The following ERC2 variants were observed in gnomAD, a reference collection of about 807,000 sequenced individuals.
ERC2 encodes the protein ELKS/RAB6-interacting/CAST family member 2.
A neutral mutation model predicts 114.8 loss-of-function variants in ERC2; 42 were observed. The ratio of observed to expected loss-of-function variants is 0.37; its 90% confidence interval spans 0.29 to 0.47. The LOEUF is 0.47. Ranked by LOEUF, ERC2 falls within the 20% of genes least tolerant of loss-of-function variation. The pLI, the probability that ERC2 is intolerant of heterozygous loss-of-function variation, is 0.99. For synonymous variants in ERC2, 454 were observed against 425.5 expected (o/e 1.07, Z -0.82); for missense variants, 939 against 1,150.7 (o/e 0.82, Z 2.66).
intron 14 of ERC2, among the ~76,000 whole-genome samples, chr3:55,780,507 A>G (rs1339104993): frequency 1.3e-5 from 2 of 152,218 alleles, no homozygotes; most frequent in Non-Finnish European, 2.9e-5. Flanking sequence ...ATGAGTTCCA[A>G]TTTTATAAAT....
intron 2 of ERC2, among the ~76,000 whole-genome samples, chr3:56,411,052 A>G (rs868639853): frequency 8.4e-6 from 1 of 118,590 alleles, no homozygotes; most frequent in Non-Finnish European, 1.6e-5. Flanking sequence ...ATTATCTCAG[A>G]AAAAAAAAAA....
chr3:56,300,573 C>T (rs952500883), intron 2 of ERC2, among the ~76,000 whole-genome samples: 5 of 152,150 alleles, frequency 3.3e-5, no homozygotes, highest in Non-Finnish European at 5.9e-5. Context: ...TAAGGACAGA[C>T]CAGATCTATT....
intron 7 of ERC2, among the ~76,000 whole-genome samples, chr3:56,066,620 T>A (rs2076494559): frequency 1.3e-5 from 2 of 152,232 alleles, no homozygotes; most frequent in South Asian, 4.1e-4. Flanking sequence ...CATCATAAAA[T>A]CTTTGTCCAT....
intron 3 of ERC2, among the ~76,000 whole-genome samples, chr3:56,218,954 A>G (rs528721360): frequency 4.6e-5 from 7 of 152,120 alleles, no homozygotes; most frequent in Non-Finnish European, 7.4e-5. Flanking sequence ...ACACATGGAC[A>G]CAGGAAGGGG....
chr3:56,123,568 T>C (rs1231390692), intron 6 of ERC2, among the ~76,000 whole-genome samples: 3 of 152,028 alleles, frequency 2.0e-5, no homozygotes, highest in Non-Finnish European at 2.9e-5. Flanking sequence ...CATTCTCTTG[T>C]CTCCATTTCT....
At chr3:55,970,162 A>C (rs545067229) in intron 12 of ERC2, among the ~76,000 whole-genome samples, 1 of 152,294 alleles carries the variant, frequency 6.6e-6, no homozygotes, top group East Asian at 1.9e-4. Context: ...TCAAAAAAGC[A>C]GTGCCAATAT....
At chr3:56,074,304 AT>A (rs536695522) in intron 7 of ERC2, among the ~76,000 whole-genome samples, 133 of 152,336 alleles carry the variant, frequency 8.7e-4, no homozygotes, top group Admixed American at 2.9e-3. Context: ...CCTATAAGCC[AT>A]TAGGTCTGTT....
intron 3 of ERC2, among the ~76,000 whole-genome samples, chr3:56,249,155 C>G (rs542044322): frequency 2.7e-4 from 41 of 152,280 alleles, no homozygotes; most frequent in African/African-American, 8.7e-4. Context: ...GAATTTCTTG[C>G]TACATTGTGG....
chr3:55,977,929 G>GA (rs1053078266), intron 12 of ERC2, among the ~76,000 whole-genome samples: 1 of 151,662 alleles, frequency 6.6e-6, no homozygotes, highest in Non-Finnish European at 1.5e-5. Context: ...AGTTTGCCAA[G>GA]AAAAAAAAGC....
intron 2 of ERC2, among the ~76,000 whole-genome samples, chr3:56,393,028 CCCTT>C (rs1174778253): frequency 1.3e-5 from 2 of 152,216 alleles, no homozygotes; most frequent in Non-Finnish European, 2.9e-5. Context: ...ATCTGCTATT[CCCTT>C]AGCCTAGAAT....
chr3:56,008,045 A>G (rs2072636204), intron 9 of ERC2, among the ~76,000 whole-genome samples: 1 of 152,176 alleles, frequency 6.6e-6, no homozygotes, highest in Admixed American at 6.5e-5. Flanking sequence ...ATCACTGAAC[A>G]TAACTTTGCA....
chr3:56,189,564 G>A (rs1271815460), intron 3 of ERC2, among the ~76,000 whole-genome samples: 1 of 152,198 alleles, frequency 6.6e-6, no homozygotes, highest in African/African-American at 2.4e-5. Flanking sequence ...CAGAAATGGT[G>A]TGTCCATACA....
chr3:56,459,503 G>A (rs2063214554), intron 1 of ERC2, among the ~76,000 whole-genome samples: 2 of 148,320 alleles, frequency 1.3e-5, no homozygotes, highest in Admixed American at 1.4e-4. Context: ...ATTAAGACAG[G>A]AAAAGAGAGC....
chr3:55,818,389 C>A (rs2059985728), intron 14 of ERC2, among the ~76,000 whole-genome samples: 1 of 152,154 alleles, frequency 6.6e-6, no homozygotes. Flanking sequence ...AACTTTTATA[C>A]CTCGATGAAT....
chr3:56,040,947 C>G (rs904267810), intron 7 of ERC2, among the ~76,000 whole-genome samples: 1 of 151,624 alleles, frequency 6.6e-6, no homozygotes, highest in Non-Finnish European at 1.5e-5. Flanking sequence ...TCCACTCTAC[C>G]GTTGAGTCCT....
intron 6 of ERC2, 146 bp from the exon 7 acceptor site, chr3:56,081,130 G>A: frequency 1.3e-6 from 1 of 754,178 alleles, no homozygotes; most frequent in Non-Finnish European, 2.1e-6. Flanking sequence ...TCACTGCCCT[G>A]CATTTTAACA....
intron 17 of ERC2, among the ~76,000 whole-genome samples, chr3:55,673,616 G>A (rs559278159): frequency 2.6e-4 from 39 of 152,148 alleles, no homozygotes; most frequent in African/African-American, 9.2e-4. Context: ...GAGGAGCAGA[G>A]AGGTTTCTTC....
At chr3:55,995,484 G>A (rs747265683) in intron 10 of ERC2, among the ~76,000 whole-genome samples, 2 of 152,072 alleles carry the variant, frequency 1.3e-5, no homozygotes, top group African/African-American at 2.4e-5. Flanking sequence ...CAGAATTGTT[G>A]GGAGAGCTAT....
intron 4 of ERC2, among the ~76,000 whole-genome samples, chr3:56,157,048 T>C (rs948437500): frequency 1.3e-5 from 2 of 152,206 alleles, no homozygotes; most frequent in Non-Finnish European, 2.9e-5. Context: ...AGGATTTATT[T>C]TACCCATTTA....
Sources: allele counts gnomAD v4.1 joint callset (sites outside exome capture counted in the v4.1 genomes callset), GRCh38; gene constraint gnomAD v4.1.1; transcripts MANE v1.5; gene names NCBI Gene and HGNC (gene_info 2026-07-23, HGNC 2026-07-21).